KSR2: variants seen among roughly 807,000 people sequenced by gnomAD.
KSR2 encodes kinase suppressor of ras 2.
KSR2 carries 25 observed loss-of-function variants against 107.8 expected under a neutral mutation model. That is an observed-to-expected ratio of 0.23 (90% CI 0.17 to 0.32). KSR2 has a LOEUF of 0.32. KSR2 is among the 10% of genes least tolerant of loss of function. The pLI is 1.00. For missense variants in KSR2, 887 were observed against 1,268.9 expected, an observed-to-expected ratio of 0.70 and a Z score of 4.57; for synonymous variants, 480 against 507.0, an observed-to-expected ratio of 0.95 and a Z score of 0.71.
At chr12:117,967,703 CA>C (rs1326952324) in intron 1 of KSR2, among the ~76,000 whole-genome samples, 3 of 152,046 alleles carry the variant, frequency 2.0e-5, no homozygotes, top group Non-Finnish European at 4.4e-5. Context: ...ACCCGGCACA[CA>C]AGCCCCCGTG....
chr12:117,608,925 G>A (rs931452346), intron 5 of KSR2, among the ~76,000 whole-genome samples: 1 of 151,996 alleles, frequency 6.6e-6, no homozygotes, highest in African/African-American at 2.4e-5. Context: ...GCTCAGACTT[G>A]GGGTGCACAG....
chr12:117,828,247 G>T (rs530555122), intron 3 of KSR2, among the ~76,000 whole-genome samples: 1 of 152,102 alleles, frequency 6.6e-6, no homozygotes, highest in African/African-American at 2.4e-5. Context: ...TCCCTGAAAC[G>T]ATACATCCCA....
chr12:117,776,923 A>T (rs1397149044), intron 3 of KSR2, among the ~76,000 whole-genome samples: 1 of 151,704 alleles, frequency 6.6e-6, no homozygotes, highest in Non-Finnish European at 1.5e-5. Context: ...CTCTTCCATA[A>T]AGTCACTGCA....
intron 5 of KSR2, among the ~76,000 whole-genome samples, chr12:117,662,433 A>T (rs914105552): frequency 6.6e-6 from 1 of 151,994 alleles, no homozygotes; most frequent in African/African-American, 2.4e-5. Flanking sequence ...ATCAGTCTTT[A>T]TTGCTACCTG....
At chr12:117,939,944 AACACACACACACACACACAC>A (rs10561468) in intron 1 of KSR2, among the ~76,000 whole-genome samples, 16 of 140,176 alleles carry the variant, frequency 1.1e-4, no homozygotes, top group African/African-American at 4.0e-4. Flanking sequence ...CCATCTTAAA[AACACACACACACACACACAC>A]ACACACACAC....
Position 117,454,471 on chromosome 12 carries a change from G to C in KSR2, c.*12728C>G, listed in dbSNP as rs1592888721. The C allele has an allele frequency of 6.6e-6, 1 of 152,348 alleles. No individual in the cohort carries two copies. The highest frequency in any genetic ancestry group is 2.1e-4 in the South Asian group (1 of 4,830). The allele number at this position is 152,348 out of a possible 1,614,324, so 9.4% of individuals were successfully genotyped here. A position where few individuals can be genotyped will look rare whatever the true frequency, so the allele number is the denominator to read the frequency against. ...CTTTGTTTTCTGTCTTTCAAACCCTGACATATTTATAGAGACAGCAAACAC... is the reference window on the plus strand; with the variant it reads ...CTTTGTTTTCTGTCTTTCAAACCCTCACATATTTATAGAGACAGCAAACAC... On this transcript the variant is annotated 3_prime_UTR_variant, in exon 20 of 20. Coordinates refer to ENST00000339824, the MANE Select transcript of KSR2 (RefSeq NM_173598.6).
At chr12:117,909,654 G>A (rs1486339976) in intron 1 of KSR2, among the ~76,000 whole-genome samples, 2 of 152,022 alleles carry the variant, frequency 1.3e-5, no homozygotes, top group Non-Finnish European at 2.9e-5. Flanking sequence ...TGTAATCCTA[G>A]CACTTTGGGA....
chr12:117,527,219 C>T lies in KSR2; in HGVS notation c.1803-100G>A, dbSNP rs1875235572. On this transcript the variant is annotated intron_variant, in intron 12 of 19. Coordinates refer to ENST00000339824, the MANE Select transcript of KSR2 (RefSeq NM_173598.6). ...AGAATCCCCAGATCGGAGGTCTTTA[C>T]CACCAAGTCTTTATCTCACATTTCA... 5 of 807,446 alleles carry T rather than the reference C, an allele frequency of 6.2e-6. 1 individual carries two copies. The highest frequency in any genetic ancestry group is 1.1e-5 in the Non-Finnish European group (5 of 475,194). 50.0% of individuals were successfully genotyped at this position (807,446 alleles called of 1,614,324 possible). A position where few individuals can be genotyped will look rare whatever the true frequency, so the allele number is the denominator to read the frequency against.
chr12:117,663,067 G>A (rs558688485), intron 5 of KSR2, among the ~76,000 whole-genome samples: 122 of 152,288 alleles, frequency 8.0e-4, no homozygotes, highest in Non-Finnish European at 1.4e-3. Flanking sequence ...TTCTAAGTGA[G>A]CACAGCACAC....
chr12:117,479,142 A>T (rs1242801394), intron 16 of KSR2, among the ~76,000 whole-genome samples: 1 of 151,998 alleles, frequency 6.6e-6, no homozygotes, highest in Non-Finnish European at 1.5e-5. Context: ...CTCTTTCATA[A>T]CCCCTCCATC....
chr12:117,812,842 CAA>C (rs3073170), intron 3 of KSR2, among the ~76,000 whole-genome samples: 62 of 95,550 alleles, frequency 6.5e-4, no homozygotes, highest in African/African-American at 1.3e-3. Context: ...CCCAAATAGC[CAA>C]AAAAAAAAAA....
chr12:117,819,458 T>C (rs533730280), intron 3 of KSR2, among the ~76,000 whole-genome samples: 30 of 152,360 alleles, frequency 2.0e-4, no homozygotes, highest in Admixed American at 4.6e-4. Flanking sequence ...ACAAGGATGC[T>C]GGAGGGCACA....
Position 117,467,000 on chromosome 12 carries a change from T to C in KSR2, c.*199A>G. 2.1e-6 allele frequency: 1 copy of C among 472,798 alleles called. No homozygotes were observed. Among genetic ancestry groups the C allele is most frequent in the South Asian group, 4.2e-5 (1 of 23,850 alleles). The allele number at this position is 472,798 out of a possible 1,614,324, so 29.3% of individuals were successfully genotyped here. On this transcript the variant is annotated 3_prime_UTR_variant, in exon 20 of 20. Transcript: ENST00000339824. ...GTCCGGTTCAGTCCTAGCTCGGGGG[T>C]CCCCAACCCTGCCCGAGGAAAAGGG...
rs1870575117 is a variant in KSR2 at position 117,455,532 on chromosome 12, CCTA to C, written c.*11664_*11666del. 1 of 152,138 alleles carries C rather than the reference CCTA, an allele frequency of 6.6e-6. No homozygotes were observed. The highest frequency in any genetic ancestry group is 2.4e-5 in the African/African-American group (1 of 41,412). The allele number at this position is 152,138 out of a possible 1,614,324, so 9.4% of individuals were successfully genotyped here. A position where few individuals can be genotyped will look rare whatever the true frequency, so the allele number is the denominator to read the frequency against. ...GGGAGCTCCTGTGGGGCCTCGGGACCCTACTGGAACTCCTCCCTCTCTTCATCG... is the reference window on the plus strand; with the variant it reads ...GGGAGCTCCTGTGGGGCCTCGGGACCCTGGAACTCCTCCCTCTCTTCATCG... On this transcript the variant is annotated 3_prime_UTR_variant, in exon 20 of 20. Coordinates refer to ENST00000339824, the MANE Select transcript of KSR2 (RefSeq NM_173598.6).
At chr12:117,467,257 G>GAT in intron 19 of KSR2, 52 bp from the exon 20 acceptor site, 2 of 690,294 alleles carry the variant, frequency 2.9e-6, no homozygotes, top group Non-Finnish European at 5.3e-6. Context: ...AGGACATGAT[G>GAT]ATGTCATCCG....
chr12:117,675,797 C>G (rs1317608788), intron 4 of KSR2, among the ~76,000 whole-genome samples: 2 of 152,202 alleles, frequency 1.3e-5, no homozygotes, highest in Non-Finnish European at 2.9e-5. Flanking sequence ...CTGGCCCAGC[C>G]AATTGGGAGG....
intron 4 of KSR2, among the ~76,000 whole-genome samples, chr12:117,749,957 G>C (rs1297361846): frequency 6.6e-6 from 1 of 152,096 alleles, no homozygotes; most frequent in Non-Finnish European, 1.5e-5. Flanking sequence ...GGATCAAATA[G>C]AACTTTCTGG....
chr12:117,752,618 AT>A (rs1431126705), intron 4 of KSR2, among the ~76,000 whole-genome samples: 2 of 152,214 alleles, frequency 1.3e-5, no homozygotes, highest in African/African-American at 4.8e-5. Context: ...TATTGCTTAC[AT>A]TTTATTTTGC....
At chr12:117,599,715 C>G (rs1237264092) in intron 5 of KSR2, among the ~76,000 whole-genome samples, 1 of 152,030 alleles carries the variant, frequency 6.6e-6, no homozygotes, top group Non-Finnish European at 1.5e-5. Context: ...GGCAACATTT[C>G]CCCAGACTGA....
Sources: allele counts gnomAD v4.1 joint callset (sites outside exome capture counted in the v4.1 genomes callset), GRCh38; gene constraint gnomAD v4.1.1; transcripts MANE v1.5; gene names NCBI Gene and HGNC (gene_info 2026-07-23, HGNC 2026-07-21).